DIS3L2: variants seen among roughly 807,000 people sequenced by gnomAD.
DIS3L2 encodes DIS3-like exonuclease 2.
Under a neutral mutation model 97.5 loss-of-function variants are expected in DIS3L2, and 34 were observed. The ratio of observed to expected loss-of-function variants is 0.35; its 90% confidence interval spans 0.27 to 0.46. The LOEUF (loss-of-function observed/expected upper bound fraction) is 0.46. Ranked by LOEUF, DIS3L2 falls within the 20% of genes least tolerant of loss-of-function variation. The pLI is 1.00. For synonymous variants in DIS3L2, 435 were observed against 445.2 expected (o/e 0.98, Z 0.29); for missense variants, 1,038 against 1,146.0 (o/e 0.91, Z 1.36).
chr2:232,288,299 A>T (rs1483869830), intron 13 of DIS3L2, among the ~76,000 whole-genome samples: 2 of 152,246 alleles, frequency 1.3e-5, no homozygotes, highest in Non-Finnish European at 2.9e-5. Flanking sequence ...CTTCACTGCC[A>T]CTTGGTTCTC....
intron 9 of DIS3L2, among the ~76,000 whole-genome samples, chr2:232,200,272 A>G (rs562198800): frequency 2.6e-5 from 4 of 152,334 alleles, no homozygotes; most frequent in African/African-American, 7.2e-5. Context: ...TAGGCCACAA[A>G]TAGTCAAATA....
At chr2:232,102,516 C>G (rs373391041) in intron 6 of DIS3L2, among the ~76,000 whole-genome samples, 1 of 152,042 alleles carries the variant, frequency 6.6e-6, no homozygotes. Flanking sequence ...GTGAAGTATC[C>G]TGATGTCTTT....
chr2:231,990,425 TACG>T (rs1559520526), intron 1 of DIS3L2, among the ~76,000 whole-genome samples: 1 of 152,226 alleles, frequency 6.6e-6, no homozygotes, highest in Non-Finnish European at 1.5e-5. Flanking sequence ...GCCAGTTTGA[TACG>T]AAAGTCTTTA....
At chr2:232,110,215 GA>G (rs1275246516) in intron 6 of DIS3L2, among the ~76,000 whole-genome samples, 2 of 152,126 alleles carry the variant, frequency 1.3e-5, no homozygotes, top group African/African-American at 2.4e-5. Context: ...AGGCTGTGGA[GA>G]AAAAAGGAAC....
At chr2:232,220,764 A>C (rs1046173731) in intron 10 of DIS3L2, among the ~76,000 whole-genome samples, 5 of 152,142 alleles carry the variant, frequency 3.3e-5, no homozygotes, top group Non-Finnish European at 5.9e-5. Context: ...TTCCTTTGGT[A>C]GCAGATAGAT....
chr2:232,173,370 G>A (rs1691047768), intron 9 of DIS3L2, among the ~76,000 whole-genome samples: 1 of 151,850 alleles, frequency 6.6e-6, no homozygotes, highest in Non-Finnish European at 1.5e-5. Flanking sequence ...AGCTGGGAGT[G>A]CAGGCACCCA....
intron 16 of DIS3L2, 85 bp from the exon 17 acceptor site, chr2:232,333,755 C>CGAT: frequency 6.9e-5 from 102 of 1,488,930 alleles, no homozygotes; most frequent in Admixed American, 4.1e-4. Flanking sequence ...TCGCTGCCGA[C>CGAT]GGTGAGGCTG....
Position 231,970,050 on chromosome 2 carries a change from G to A in DIS3L2, c.-94+8285G>A, listed in dbSNP as rs1192497091. ...AGCCTTGACCTCTGGGGCTCAAGCA[G>A]TCCTCCTACCTTAGCCTCCCAAGTA... On this transcript the variant is annotated intron_variant, in intron 1 of 20. Transcript: ENST00000325385. 3.9e-5 allele frequency among the ~76,000 whole-genome samples: 6 copies of A among 152,046 alleles called. No homozygotes were observed. In the East Asian group the frequency reaches 1.2e-3, roughly 29 times the overall value.
intron 5 of DIS3L2, among the ~76,000 whole-genome samples, chr2:232,062,391 T>G (rs1388718494): frequency 6.6e-6 from 1 of 152,138 alleles, no homozygotes; most frequent in Non-Finnish European, 1.5e-5. Flanking sequence ...AGTGGGTATG[T>G]TTAGTATAGA....
intron 9 of DIS3L2, among the ~76,000 whole-genome samples, chr2:232,186,544 C>T (rs72992330): frequency 0.012 from 1,816 of 152,214 alleles, 17 homozygotes; most frequent in Non-Finnish European, 0.018. Context: ...GAACATTTCC[C>T]ATCTGATTTT....
chr2:231,987,205 A>C (rs755612384), intron 1 of DIS3L2, among the ~76,000 whole-genome samples: 2 of 152,174 alleles, frequency 1.3e-5, no homozygotes, highest in Non-Finnish European at 2.9e-5. Flanking sequence ...AAAGAGCTCC[A>C]CTATCCCTGG....
intron 8 of DIS3L2, among the ~76,000 whole-genome samples, chr2:232,157,251 A>C (rs1312366161): frequency 6.6e-6 from 1 of 152,140 alleles, no homozygotes; most frequent in Non-Finnish European, 1.5e-5. Flanking sequence ...GGCAAAACTA[A>C]ATATTTTATG....
At chr2:232,134,688 G>A (rs1034751768) in intron 7 of DIS3L2, among the ~76,000 whole-genome samples, 3 of 152,116 alleles carry the variant, frequency 2.0e-5, no homozygotes, top group African/African-American at 7.2e-5. Flanking sequence ...AGCCAGGCGT[G>A]GTGACTGGTG....
chr2:232,102,960 T>C (rs1258708154), intron 6 of DIS3L2, among the ~76,000 whole-genome samples: 2 of 152,178 alleles, frequency 1.3e-5, no homozygotes. Context: ...CACAAGGTGG[T>C]AGTAAAATAA....
chr2:232,138,467 AAGAAG>A (rs1698421163), intron 8 of DIS3L2, among the ~76,000 whole-genome samples: 3 of 152,200 alleles, frequency 2.0e-5, no homozygotes, highest in Admixed American at 6.6e-5. Flanking sequence ...AATCTTTGTG[AAGAAG>A]AGAAAATTTA....
At chr2:232,085,845 C>T (rs1438910792) in intron 5 of DIS3L2, among the ~76,000 whole-genome samples, 5 of 151,874 alleles carry the variant, frequency 3.3e-5, no homozygotes, top group African/African-American at 1.2e-4. Flanking sequence ...ATCCCTTTGT[C>T]GCCCAGGCTG....
intron 9 of DIS3L2, among the ~76,000 whole-genome samples, chr2:232,173,119 A>G (rs543846369): frequency 1.3e-5 from 2 of 152,338 alleles, no homozygotes; most frequent in African/African-American, 2.4e-5. Context: ...TTAGAAGCAC[A>G]AAGTTTCAAA....
intron 14 of DIS3L2, among the ~76,000 whole-genome samples, chr2:232,310,468 C>G (rs572226412): frequency 5.9e-5 from 9 of 152,338 alleles, no homozygotes; most frequent in African/African-American, 2.2e-4. Flanking sequence ...AAGGGAGTGT[C>G]TCTCCACCGT....
chr2:232,038,477 G>T (rs895427101), intron 5 of DIS3L2, among the ~76,000 whole-genome samples: 5 of 152,188 alleles, frequency 3.3e-5, no homozygotes, highest in Non-Finnish European at 7.3e-5. Flanking sequence ...GAGCACCAGT[G>T]GAGCTCTACA....
Sources: gnomAD v4.1 joint callset for allele counts (sites outside exome capture counted in the v4.1 genomes callset) on GRCh38, gnomAD v4.1.1 for gene constraint, MANE v1.5 for transcripts, NCBI Gene and HGNC (gene_info 2026-07-23, HGNC 2026-07-21) for gene names.